C2orf74: variants seen among roughly 807,000 people sequenced by gnomAD.
C2orf74 encodes the protein uncharacterized protein C2orf74.
A neutral mutation model predicts 17.9 loss-of-function variants in C2orf74; 14 were observed. The observed-to-expected ratio is 0.78, with a 90% CI of 0.52 to 1.22. The LOEUF (loss-of-function observed/expected upper bound fraction) is 1.22, where lower values mean the gene tolerates loss of function less well. Ranked by LOEUF, C2orf74 falls within the 50% of genes most tolerant of loss-of-function variation. The pLI, the probability that C2orf74 is intolerant of heterozygous loss-of-function variation, is 0.00. For synonymous variants in C2orf74, 79 were observed against 72.6 expected, an observed-to-expected ratio of 1.09 and a Z score of -0.44; for missense variants, 217 against 218.4, an observed-to-expected ratio of 0.99 and a Z score of 0.04.
intron 1 of C2orf74, among the ~76,000 whole-genome samples, chr2:61,148,548 GT>G (rs1173216337): frequency 5.9e-5 from 9 of 152,154 alleles, no homozygotes; most frequent in Non-Finnish European, 8.8e-5. Context: ...ATAGAGGATA[GT>G]TTTTTAACTA....
At position 61,162,475 on chromosome 2, in the gene C2orf74, T is replaced by A. The variant is rs1045695876; in HGVS notation, c.-40T>A. ...GAGCTGGAAAAGAATATTTGGACAG[T>A]CTGTGATTGTGAGAGTGGATGAGTC... is the stretch of plus-strand genomic sequence containing the variant. On this transcript the variant is annotated 5_prime_UTR_variant, in exon 2 of 5. Transcript: ENST00000432605. The A allele has an allele frequency of 2.8e-6, 4 of 1,418,824 alleles. No homozygotes were observed. Among genetic ancestry groups the A allele is most frequent in the African/African-American group, 1.5e-5 (1 of 68,906 alleles). 87.9% of individuals were successfully genotyped at this position (1,418,824 alleles called of 1,614,324 possible). A position where few individuals can be genotyped will look rare whatever the true frequency, so the allele number is the denominator to read the frequency against.
At chr2:61,148,645 ATTGTC>A (rs1685137902) in intron 1 of C2orf74, among the ~76,000 whole-genome samples, 1 of 151,976 alleles carries the variant, frequency 6.6e-6, no homozygotes, top group Admixed American at 6.6e-5. Context: ...CCCATTTTCT[ATTGTC>A]TTATTGATTT....
chr2:61,162,349 T>C (rs1685586208), intron 1 of C2orf74, 29 bp downstream of exon 1: 2 of 618,500 alleles, frequency 3.2e-6, no homozygotes, highest in Non-Finnish European at 5.7e-6. Context: ...AAGCAGAGCA[T>C]CTTTCATGAA....
intron 1 of C2orf74, among the ~76,000 whole-genome samples, chr2:61,146,742 G>C (rs1181838618): frequency 6.6e-6 from 1 of 152,166 alleles, no homozygotes; most frequent in Non-Finnish European, 1.5e-5. Context: ...GCTGAGGCAG[G>C]AGAATTGAAT....
At chr2:61,152,879 C>A (rs573123026) in intron 1 of C2orf74, among the ~76,000 whole-genome samples, 3 of 143,732 alleles carry the variant, frequency 2.1e-5, no homozygotes, top group African/African-American at 7.7e-5. Flanking sequence ...AAGCCAGGCG[C>A]GCGCGGTGGC....
Position 61,145,136 on chromosome 2 carries a change from G to T in C2orf74, c.-182G>T, listed in dbSNP as rs892995612. ...CAGTCAGATCCGAGGACATGTTGAC[G>T]TCGTCCGAGAGTCTTAAAATCCTGC... On this transcript the variant is annotated 5_prime_UTR_variant, in exon 1 of 4. Transcript: ENST00000426997. 8 of 152,446 alleles carry T rather than the reference G, an allele frequency of 5.2e-5. No individual in the cohort carries two copies. In the East Asian group the frequency reaches 1.1e-3, roughly 22 times the overall value. 9.4% of individuals were successfully genotyped at this position (152,446 alleles called of 1,614,324 possible). A position where few individuals can be genotyped will look rare whatever the true frequency, so the allele number is the denominator to read the frequency against.
At chr2:61,163,270 T>C (rs1685623081) in intron 4 of C2orf74, 38 bp downstream of exon 4, 2 of 1,531,776 alleles carry the variant, frequency 1.3e-6, no homozygotes, top group South Asian at 2.5e-5. Context: ...CAGTTTAGAA[T>C]TTGTTTGATT....
chr2:61,149,235 G>A (rs1046976609), intron 1 of C2orf74, among the ~76,000 whole-genome samples: 2 of 152,108 alleles, frequency 1.3e-5, no homozygotes, highest in Non-Finnish European at 2.9e-5. Context: ...GATTAGAGTC[G>A]GGAGAGTGAG....
chr2:61,151,128 C>T (rs1161711267), intron 1 of C2orf74, among the ~76,000 whole-genome samples: 4 of 151,584 alleles, frequency 2.6e-5, no homozygotes, highest in Non-Finnish European at 5.9e-5. Context: ...CCAGCCTGGC[C>T]AAGATGGTGA....
At chr2:61,145,845 T>G (rs1325153111) in intron 1 of C2orf74, among the ~76,000 whole-genome samples, 2 of 152,214 alleles carry the variant, frequency 1.3e-5, no homozygotes, top group African/African-American at 4.8e-5. Context: ...ACAGGCCAGC[T>G]TCAGTTTTAA....
At chr2:61,153,143 C>T (rs1260675771) in intron 1 of C2orf74, among the ~76,000 whole-genome samples, 3 of 137,718 alleles carry the variant, frequency 2.2e-5, no homozygotes, top group Non-Finnish European at 4.6e-5. Context: ...AGCAAAACTC[C>T]GTCTCCAAAA....
chr2:61,163,377 G>C, intron 4 of C2orf74, 145 bp downstream of exon 4: 2 of 795,694 alleles, frequency 2.5e-6, no homozygotes, highest in Non-Finnish European at 1.9e-6. Context: ...GGGAGGCCAA[G>C]GAGGGCGGAT....
intron 1 of C2orf74, among the ~76,000 whole-genome samples, chr2:61,149,976 C>G (rs1465396636): frequency 7.9e-5 from 12 of 152,154 alleles, no homozygotes; most frequent in Admixed American, 7.9e-4. Context: ...GCTTAGTCTA[C>G]TTCTTGTCCC....
intron 1 of C2orf74, among the ~76,000 whole-genome samples, chr2:61,153,824 GGTTGCA>G (rs955959376): frequency 1.3e-5 from 2 of 151,734 alleles, no homozygotes; most frequent in Non-Finnish European, 2.9e-5. Context: ...GGGAGGCAGA[GGTTGCA>G]GTGAGCTGAG....
At chr2:61,162,110 C>G (rs905645189), upstream of C2orf74, 2 of 187,530 alleles carry the variant, frequency 1.1e-5, no homozygotes, top group African/African-American at 2.4e-5. Flanking sequence ...TCTGGTCTCT[C>G]TAACTCAAGG....
chr2:61,157,298 C>T (rs1040674731), upstream of C2orf74, among the ~76,000 whole-genome samples: 1 of 152,188 alleles, frequency 6.6e-6, no homozygotes, highest in Non-Finnish European at 1.5e-5. Flanking sequence ...GCCTCAGCCT[C>T]CCAAAGTGCT....
Position 61,162,970 on chromosome 2 carries a change from G to C in C2orf74, c.209+15G>C, listed in dbSNP as rs1463573541. On this transcript the variant is annotated intron_variant, in intron 3 of 4. Transcript: ENST00000432605. ...GACCATGAAAGGCGAGTGTGGTGCA[G>C]GATGTGGCAGAGGCCATTTTGTGTT... 4 of 1,552,216 alleles carry C rather than the reference G, an allele frequency of 2.6e-6. No individual in the cohort carries two copies. Among genetic ancestry groups the C allele is most frequent in the Non-Finnish European group, 3.5e-6 (4 of 1,146,846 alleles).
chr2:61,151,957 G>C (rs1219832156), intron 1 of C2orf74: 1 of 152,370 alleles, frequency 6.6e-6, no homozygotes, highest in Non-Finnish European at 1.5e-5. Flanking sequence ...CACAGATCCA[G>C]TGATTTCAGT....
At chr2:61,164,215 G>A in intron 4 of C2orf74, 139 bp from the exon 5 acceptor site, 1 of 628,752 alleles carries the variant, frequency 1.6e-6, no homozygotes, top group South Asian at 3.0e-5. Context: ...TGATCATGAT[G>A]GATTATTGCT....
Sources: gnomAD v4.1 joint callset for allele counts (sites outside exome capture counted in the v4.1 genomes callset) on GRCh38, gnomAD v4.1.1 for gene constraint, MANE v1.5 for transcripts, NCBI Gene and HGNC (gene_info 2026-07-23, HGNC 2026-07-21) for gene names.